PIGU: variants seen among roughly 807,000 people sequenced by gnomAD.
PIGU encodes GPI-anchor transamidase component PIGU.
Under a neutral mutation model 49.9 loss-of-function variants are expected in PIGU, and 24 were observed. The ratio of observed to expected loss-of-function variants is 0.48; its 90% CI spans 0.35 to 0.68. PIGU has a LOEUF of 0.68. Ranked by LOEUF, PIGU falls within the 30% of genes least tolerant of loss-of-function variation. The pLI is 0.01. For synonymous variants in PIGU, 220 were observed against 205.7 expected (o/e 1.07, Z -0.59); for missense variants, 490 against 532.6 (o/e 0.92, Z 0.79).
chr20:34,581,381 A>C (rs1983454298), intron 10 of PIGU, among the ~76,000 whole-genome samples, 167 bp downstream of exon 10: 1 of 152,182 alleles, frequency 6.6e-6, no homozygotes, highest in Non-Finnish European at 1.5e-5. Flanking sequence ...TTATCATCAC[A>C]AGTCCGCGGC....
rs55819405 is a variant in PIGU, at chr20:34,649,388, CT to C, written c.196-4055del. On this transcript the variant is annotated intron_variant, in intron 2 of 11. Transcript: ENST00000217446. ...GTTTTACTAAGTTTCAGATCTCTTA[CT>C]TTTTTTTTTTTTTTCTGTGTTTTCT... Among the ~76,000 whole-genome samples, 244 of 140,884 alleles carry C rather than the reference CT, an allele frequency of 1.7e-3. 1 individual carries two copies. The highest frequency in any genetic ancestry group is 3.8e-3 in the Middle Eastern group (1 of 266). The allele number at this position is 140,884 out of a possible 152,430, so 92.4% of individuals were successfully genotyped here.
intron 7 of PIGU, among the ~76,000 whole-genome samples, chr20:34,614,535 C>T (rs1029927139): frequency 6.0e-5 from 9 of 149,918 alleles, no homozygotes; most frequent in East Asian, 2.0e-4. Context: ...TAAGGTGAGA[C>T]GATCGATTGA....
At chr20:34,581,765 T>C in intron 9 of PIGU, 93 bp from the exon 10 acceptor site, 2 of 1,456,172 alleles carry the variant, frequency 1.4e-6, no homozygotes, top group Non-Finnish European at 1.9e-6. Context: ...CCAAAAATAA[T>C]CCTCAGGGGA....
At chr20:34,662,398 T>C (rs985388499) in intron 1 of PIGU, among the ~76,000 whole-genome samples, 12 of 146,680 alleles carry the variant, frequency 8.2e-5, no homozygotes, top group African/African-American at 1.2e-4. Flanking sequence ...CCCTTTGCCT[T>C]TTTTTTTTTT....
chr20:34,574,681 C>G (rs1260801687), intron 11 of PIGU, among the ~76,000 whole-genome samples: 1 of 152,182 alleles, frequency 6.6e-6, no homozygotes, highest in African/African-American at 2.4e-5. Context: ...CCCTCTCCCC[C>G]TCACTCTATC....
intron 7 of PIGU, among the ~76,000 whole-genome samples, chr20:34,612,777 C>T (rs953153990): frequency 6.6e-5 from 10 of 152,042 alleles, no homozygotes; most frequent in African/African-American, 2.2e-4. Flanking sequence ...AACACTCCCC[C>T]ATGTCTGGCT....
intron 1 of PIGU, among the ~76,000 whole-genome samples, chr20:34,662,592 C>A (rs1305601969): frequency 1.3e-5 from 2 of 151,992 alleles, no homozygotes; most frequent in Admixed American, 6.6e-5. Context: ...CGGGGTTTTA[C>A]TATGTTGGCC....
rs1983173521 is a variant in PIGU, at chr20:34,575,185, G to A, written c.1113C>T (p.Val371=). 6.2e-7 allele frequency: 1 copy of A among 1,614,076 alleles called. No homozygotes were observed. The highest frequency in any genetic ancestry group is 8.5e-7 in the Non-Finnish European group (1 of 1,179,974). The change falls in exon 11 of 12, where the codon GTC becomes GTT. Residue 371 remains valine, a synonymous_variant. Transcript: ENST00000217446. ...IIIVCSLLFP[V]LWHLWIYAGS... ...CTGCATAAATCCAGAGGTGCCACAGGACAGGGAAGAGCAGGGAACAGACGA... is the reference window on the plus strand; with the variant it reads ...CTGCATAAATCCAGAGGTGCCACAGAACAGGGAAGAGCAGGGAACAGACGA...
At chr20:34,563,553 A>G (rs1472279481) in intron 11 of PIGU, among the ~76,000 whole-genome samples, 3 of 152,024 alleles carry the variant, frequency 2.0e-5, no homozygotes, top group Admixed American at 2.0e-4. Context: ...CTGCGTCTCA[A>G]AAAGTAATAA....
chr20:34,593,306 C>A (rs1984065102), intron 7 of PIGU, among the ~76,000 whole-genome samples: 1 of 150,272 alleles, frequency 6.7e-6, no homozygotes, highest in African/African-American at 2.5e-5. Context: ...CCACTGCACT[C>A]TAGCCTGGGC....
chr20:34,561,657 C>T (rs1214673026), intron 11 of PIGU, among the ~76,000 whole-genome samples: 1 of 152,150 alleles, frequency 6.6e-6, no homozygotes, highest in African/African-American at 2.4e-5. Flanking sequence ...CCTTCAAATC[C>T]TCCAAAGGCT....
chr20:34,614,132 C>CA lies in PIGU; in HGVS notation c.627+1909dup, dbSNP rs913989796. On this transcript the variant is annotated intron_variant, in intron 7 of 11. Transcript: ENST00000217446. ...GCAACATGGCAAAGCCCTGTCTCTA[C>CA]AAAAAAATACAAAAATTAGCTGGGT... 1.4e-4 allele frequency among the ~76,000 whole-genome samples: 21 copies of CA among 151,920 alleles called. No homozygotes were observed. In the East Asian group the frequency reaches 2.3e-3, roughly 17 times the overall value.
intron 2 of PIGU, among the ~76,000 whole-genome samples, chr20:34,647,129 G>A (rs969035309): frequency 2.0e-5 from 3 of 146,576 alleles, no homozygotes; most frequent in Non-Finnish European, 3.0e-5. Flanking sequence ...CAGCCACCAC[G>A]CTGGGCTAAT....
intron 10 of PIGU, among the ~76,000 whole-genome samples, chr20:34,576,117 G>A (rs981624320): frequency 6.6e-6 from 1 of 152,158 alleles, no homozygotes; most frequent in African/African-American, 2.4e-5. Context: ...GATCATGCCT[G>A]TAATCCCAGC....
chr20:34,652,289 G>A (rs1986567335), intron 2 of PIGU, among the ~76,000 whole-genome samples: 1 of 152,134 alleles, frequency 6.6e-6, no homozygotes, highest in Non-Finnish European at 1.5e-5. Context: ...ACAGACATGA[G>A]CCACCGTGCC....
intron 9 of PIGU, 61 bp downstream of exon 9, chr20:34,585,376 T>C (rs1983656008): frequency 1.3e-6 from 2 of 1,555,146 alleles, no homozygotes; most frequent in Non-Finnish European, 1.8e-6. Context: ...TCAAGGCTAC[T>C]AGAGGCAGGG....
chr20:34,634,488 G>T, intron 6 of PIGU, 127 bp downstream of exon 6: 1 of 1,331,870 alleles, frequency 7.5e-7, no homozygotes, highest in Non-Finnish European at 9.7e-7. Flanking sequence ...TGTATTACTT[G>T]TGTAATTTTT....
rs145030197 is a variant in PIGU, at chr20:34,598,938, G to C, written c.628-10331C>G. On this transcript the variant is annotated intron_variant, in intron 7 of 11. Coordinates refer to ENST00000217446, the MANE Select transcript of PIGU (RefSeq NM_080476.5). ...CTGCATTATTTGGGCCCTAACTCCT[G>C]GGCCCAAATAATCCTCCTACCTCAG... 5.3e-5 allele frequency among the ~76,000 whole-genome samples: 8 copies of C among 152,100 alleles called. No homozygotes were observed. The East Asian group carries it at 1.4e-3, about 26-fold the overall frequency.
intron 11 of PIGU, among the ~76,000 whole-genome samples, chr20:34,570,926 G>A (rs1433200514): frequency 3.3e-5 from 5 of 152,182 alleles, no homozygotes; most frequent in Admixed American, 3.3e-4. Context: ...TTCATGGACT[G>A]TCTCTCCAGG....
Sources: gnomAD v4.1 joint callset for allele counts (sites outside exome capture counted in the v4.1 genomes callset) on GRCh38, gnomAD v4.1.1 for gene constraint, MANE v1.5 for transcripts, NCBI Gene and HGNC (gene_info 2026-07-23, HGNC 2026-07-21) for gene names.